MYOM1: variants seen among roughly 807,000 people sequenced by gnomAD.
The protein encoded by MYOM1 is myomesin-1.
A neutral mutation model predicts 205.3 loss-of-function variants in MYOM1; 164 were observed. That is an observed-to-expected ratio of 0.80 (90% CI 0.70 to 0.91). The LOEUF (loss-of-function observed/expected upper bound fraction) is 0.91. Ranked by LOEUF, MYOM1 falls within the 40% of genes least tolerant of loss-of-function variation. The pLI, the probability that MYOM1 is intolerant of heterozygous loss-of-function variation, is 0.00. For synonymous variants in MYOM1, 772 were observed against 789.4 expected, an observed-to-expected ratio of 0.98 and a Z score of 0.37; for missense variants, 2,011 against 2,127.3, an observed-to-expected ratio of 0.95 and a Z score of 1.08.
intron 14 of MYOM1, among the ~76,000 whole-genome samples, chr18:3,141,004 T>C (rs2080040530): frequency 6.6e-6 from 1 of 152,246 alleles, no homozygotes; most frequent in African/African-American, 2.4e-5. Flanking sequence ...TTTTCTCAAT[T>C]ATATCCTAAT....
the MYOM1 span, among the ~76,000 whole-genome samples, chr18:3,238,338 G>GT: frequency 1.3e-5 from 2 of 152,160 alleles, no homozygotes; most frequent in South Asian, 4.1e-4. Context: ...GGGAGCAGTT[G>GT]TAAGTACAGA....
intron 26 of MYOM1, chr18:3,093,642 C>G (rs1261820193): frequency 6.6e-6 from 1 of 152,172 alleles, no homozygotes; most frequent in Admixed American, 6.5e-5. Context: ...ACCACCACCA[C>G]CAAATTAAGA....
At chr18:3,073,370 C>T (rs2078983755) in intron 36 of MYOM1, among the ~76,000 whole-genome samples, 1 of 152,216 alleles carries the variant, frequency 6.6e-6, no homozygotes, top group African/African-American at 2.4e-5. Flanking sequence ...AACACAGCAG[C>T]CACCTCCCTC....
rs545206122 is a variant in MYOM1, at chr18:3,166,645, C to T, written c.1339+2172G>A. 7.2e-5 allele frequency among the ~76,000 whole-genome samples: 11 copies of T among 152,140 alleles called. No homozygotes were observed. In the East Asian group the frequency reaches 1.7e-3, roughly 24 times the overall value. On this transcript the variant is annotated intron_variant, in intron 9 of 37. Transcript: ENST00000356443. The stretch of plus-strand genomic sequence containing the variant: ...TTTCAGGGAAATTACTTAACCTCTC[C>T]GTGCCTTTGTTTTTTTACCTGAACA...
chr18:3,185,779 C>A (rs986743035), intron 5 of MYOM1, among the ~76,000 whole-genome samples: 1 of 152,038 alleles, frequency 6.6e-6, no homozygotes, highest in African/African-American at 2.4e-5. Flanking sequence ...GATTTTTATT[C>A]TTTGGTTTTC....
chr18:3,177,987 G>C (rs2080672428), intron 5 of MYOM1, among the ~76,000 whole-genome samples: 1 of 152,092 alleles, frequency 6.6e-6, no homozygotes, highest in South Asian at 2.1e-4. Context: ...GCCTCTCCCT[G>C]GGACCCTGTC....
At chr18:3,109,689 G>T (rs1468267090) in intron 22 of MYOM1, among the ~76,000 whole-genome samples, 1 of 152,222 alleles carries the variant, frequency 6.6e-6, no homozygotes, top group Non-Finnish European at 1.5e-5. Flanking sequence ...AAGAAGAGTT[G>T]TCACTAGTCA....
chr18:3,188,981 T>C lies in MYOM1; in HGVS notation c.538A>G (p.Thr180Ala), dbSNP rs553556385. The C allele has an allele frequency of 4.1e-5, 66 of 1,613,514 alleles. No homozygotes were observed. Among genetic ancestry groups the C allele is most frequent in the African/African-American group, 2.7e-5 (2 of 74,916 alleles). ...NLLASEEGIT[T>A]SKQSTASKQT... is the part of the protein sequence containing the mutation. ...TTGGATGCCGTGGACTGTTTAGATG[T>C]TGTGATTCCTTCCTCACTAGCAAGA... is the stretch of plus-strand genomic sequence containing the variant. The change falls in exon 4 of 38, where the codon ACA (threonine) becomes GCA (alanine). Residue 180 changes from threonine to alanine, a missense_variant. By Grantham distance (58) the Thr-to-Ala change is moderately conservative. Coordinates refer to ENST00000356443, the MANE Select transcript of MYOM1 (RefSeq NM_003803.4).
intron 16 of MYOM1, 57 bp from the exon 17 acceptor site, chr18:3,131,553 T>A: frequency 1.3e-6 from 2 of 1,517,892 alleles, no homozygotes; most frequent in Non-Finnish European, 1.8e-6. Context: ...AGGAAGATGA[T>A]TGTTAGCTTA....
Position 3,067,425 on chromosome 18 carries a change from G to A in MYOM1, c.4895C>T (p.Thr1632Ile). 6.2e-7 allele frequency: 1 copy of A among 1,613,682 alleles called. No homozygotes were observed. Among genetic ancestry groups the A allele is most frequent in the Non-Finnish European group, 8.5e-7 (1 of 1,179,908 alleles). Reference protein sequence around the residue: ...KFEAGRTAYFTINGVSTADSG... With the variant: ...KFEAGRTAYFIINGVSTADSG... ...GTCAGCGGTGCTCACGCCGTTGATG[G>A]TGAAGTACGCGGTCCTCCCAGCCTC... The change falls in exon 38 of 38, where the codon ACC (threonine) becomes ATC (isoleucine). Residue 1632 changes from threonine (T) to isoleucine (I), a missense_variant. Thr to Ile is a moderately conservative substitution (Grantham distance 89). Transcript: ENST00000356443.
chr18:3,203,610 A>T (rs1195523476), intron 2 of MYOM1, among the ~76,000 whole-genome samples: 1 of 151,984 alleles, frequency 6.6e-6, no homozygotes, highest in Non-Finnish European at 1.5e-5. Context: ...AGAGATCAAT[A>T]ACAAGTAAAG....
intron 3 of MYOM1, among the ~76,000 whole-genome samples, chr18:3,192,019 T>C (rs573175277): frequency 6.6e-6 from 1 of 152,218 alleles, no homozygotes; most frequent in South Asian, 2.1e-4. Flanking sequence ...TATCACAGTG[T>C]ATTTGTAAAT....
chr18:3,097,768 T>C (rs1435689374), intron 25 of MYOM1, among the ~76,000 whole-genome samples: 2 of 152,170 alleles, frequency 1.3e-5, no homozygotes, highest in African/African-American at 2.4e-5. Flanking sequence ...ACTGGGTCTC[T>C]AATAAAAGGA....
At chr18:3,099,514 C>T (rs976257991) in intron 25 of MYOM1, among the ~76,000 whole-genome samples, 1 of 152,212 alleles carries the variant, frequency 6.6e-6, no homozygotes, top group East Asian at 1.9e-4. Context: ...ACTACCTTGG[C>T]CAGTGGGTAC....
intron 13 of MYOM1, among the ~76,000 whole-genome samples, chr18:3,143,900 CAAAAAAAAA>C (rs55830599): frequency 6.1e-5 from 3 of 49,362 alleles, no homozygotes; most frequent in African/African-American, 1.7e-4. Context: ...GACCCTGTCT[CAAAAAAAAA>C]AAAAAAAAAA....
At chr18:3,228,708 T>A in the MYOM1 span, among the ~76,000 whole-genome samples, 1 of 152,184 alleles carries the variant, frequency 6.6e-6, no homozygotes, top group East Asian at 1.9e-4. The surrounding 1 kb of genome is among the most constrained non-coding windows in gnomAD (Gnocchi z 4.5). Flanking sequence ...AAATCCAGTT[T>A]TAAAACACTT....
chr18:3,167,705 C>G (rs2080493489), intron 9 of MYOM1, among the ~76,000 whole-genome samples: 1 of 152,142 alleles, frequency 6.6e-6, no homozygotes, highest in African/African-American at 2.4e-5. Flanking sequence ...TTAGAAATAG[C>G]ATTATTTTTC....
At chr18:3,126,251 C>T (rs2079779408) in intron 19 of MYOM1, among the ~76,000 whole-genome samples, 1 of 109,636 alleles carries the variant, frequency 9.1e-6, no homozygotes, top group South Asian at 2.9e-4. Context: ...GGGGACAGAG[C>T]AAGACTTCAT....
chr18:3,222,203 C>G (rs1043297486), upstream of MYOM1, among the ~76,000 whole-genome samples: 7 of 152,164 alleles, frequency 4.6e-5, no homozygotes, highest in Non-Finnish European at 2.9e-5. Context: ...GGAATCATAA[C>G]TAAGTTACAA....
Sources: allele counts gnomAD v4.1 joint callset (sites outside exome capture counted in the v4.1 genomes callset), GRCh38; gene constraint gnomAD v4.1.1; non-coding constraint Gnocchi (gnomAD v3.1); transcripts MANE v1.5; gene names NCBI Gene and HGNC (gene_info 2026-07-23, HGNC 2026-07-21).